STK31: variants seen among roughly 807,000 people sequenced by gnomAD.
STK31 encodes serine/threonine-protein kinase 31.
A neutral mutation model predicts 129.7 loss-of-function variants in STK31; 89 were observed. The observed-to-expected ratio is 0.69, with a 90% CI of 0.58 to 0.82. The LOEUF is 0.82. STK31 is among the 40% of genes least tolerant of loss of function. The probability of loss-of-function intolerance (pLI) is 0.00; values close to 1 mark genes in which losing one functional copy is unlikely to be tolerated. For synonymous variants in STK31, 448 were observed against 395.3 expected, an observed-to-expected ratio of 1.13 and a Z score of -1.58; for missense variants, 1,187 against 1,176.4, an observed-to-expected ratio of 1.01 and a Z score of -0.13.
intron 23 of STK31, among the ~76,000 whole-genome samples, chr7:23,820,918 G>A (rs1265811587): frequency 6.6e-6 from 1 of 152,106 alleles, no homozygotes; most frequent in South Asian, 2.1e-4. Flanking sequence ...GTTCCACATT[G>A]TCTTTTTCCA....
chr7:23,806,923 G>C (rs1239844728), intron 22 of STK31, among the ~76,000 whole-genome samples: 1 of 117,790 alleles, frequency 8.5e-6, no homozygotes. Context: ...AAAAAAAAAA[G>C]AGAGATACAG....
Position 23,735,728 on chromosome 7 carries a change from A to T in STK31, c.674A>T (p.Lys225Ile), listed in dbSNP as rs1203974996. The stretch of plus-strand genomic sequence containing the variant: ...AGAACTGACATCTGTGAGGAAAAAA[A>T]ATTGGATCCTGGTCAACTTGTTCTC... ...ASRTDICEEK[K>I]LDPGQLVLRN... The change falls in exon 7 of 24, where the codon AAA becomes ATA. Residue 225 changes from lysine (K) to isoleucine (I), a missense_variant. Lys to Ile is a moderately radical substitution (Grantham distance 102, BLOSUM62 -3). Around this residue, in one of 5 missense-constraint regions of STK31, gnomAD observed 975 missense variants for 934.9 expected, o/e 1.04. Coordinates refer to ENST00000355870, the MANE Select transcript of STK31 (RefSeq NM_031414.5). 2 of 1,614,114 alleles carry T rather than the reference A, an allele frequency of 1.2e-6. No homozygotes were observed. Among genetic ancestry groups the T allele is most frequent in the South Asian group, 2.2e-5 (2 of 91,086 alleles).
At chr7:23,762,516 T>C (rs1196503039) in intron 10 of STK31, among the ~76,000 whole-genome samples, 1 of 152,148 alleles carries the variant, frequency 6.6e-6, no homozygotes, top group Non-Finnish European at 1.5e-5. Flanking sequence ...ATGTAATTAG[T>C]AGGAACTTAT....
At chr7:23,772,429 T>C (rs1002558391) in intron 15 of STK31, 151 bp downstream of exon 15, 9 of 771,736 alleles carry the variant, frequency 1.2e-5, no homozygotes, top group Non-Finnish European at 1.7e-5. Context: ...GTTTTCTGTG[T>C]ATATAAATAA....
intron 6 of STK31, among the ~76,000 whole-genome samples, chr7:23,733,850 A>AT (rs986210496): frequency 2.0e-5 from 3 of 151,870 alleles, no homozygotes; most frequent in South Asian, 2.1e-4. Flanking sequence ...CAATGAAATA[A>AT]TTTTTTTTGT....
intron 21 of STK31, 73 bp from the exon 22 acceptor site, chr7:23,790,751 A>T: frequency 7.6e-7 from 1 of 1,312,238 alleles, no homozygotes; most frequent in Non-Finnish European, 1.0e-6. Flanking sequence ...TGTATTGATT[A>T]AATGCAGAGT....
intron 23 of STK31, among the ~76,000 whole-genome samples, chr7:23,828,034 G>A (rs547776204): frequency 5.8e-4 from 88 of 152,252 alleles, no homozygotes; most frequent in African/African-American, 2.0e-3. Flanking sequence ...TAGGCTACTC[G>A]GGAGTCAGGG....
chr7:23,829,563 A>T (rs1040172249), intron 23 of STK31, among the ~76,000 whole-genome samples: 3 of 152,194 alleles, frequency 2.0e-5, no homozygotes, highest in Non-Finnish European at 4.4e-5. Context: ...ATCTGTGTTC[A>T]TCAGGGATAC....
chr7:23,765,303 C>T (rs2128100759), intron 11 of STK31, among the ~76,000 whole-genome samples: 1 of 152,234 alleles, frequency 6.6e-6, no homozygotes, highest in Admixed American at 6.5e-5. Flanking sequence ...GTCTACCCAC[C>T]TTGGCCTCCA....
intron 15 of STK31, among the ~76,000 whole-genome samples, chr7:23,778,678 C>G (rs759203197): frequency 1.3e-5 from 2 of 151,796 alleles, no homozygotes; most frequent in Non-Finnish European, 2.9e-5. Flanking sequence ...TTTTTCAGCT[C>G]CATGAAGTCA....
At chr7:23,802,907 A>G (rs1792467977) in intron 22 of STK31, among the ~76,000 whole-genome samples, 1 of 152,220 alleles carries the variant, frequency 6.6e-6, no homozygotes, top group South Asian at 2.1e-4. Flanking sequence ...GTAGATCAAT[A>G]TGGGGAGAAT....
chr7:23,798,683 C>T (rs1792163333), intron 22 of STK31, among the ~76,000 whole-genome samples: 2 of 152,166 alleles, frequency 1.3e-5, no homozygotes, highest in African/African-American at 4.8e-5. Context: ...CCCTTGAAAA[C>T]TGGCACAAGA....
intron 8 of STK31, among the ~76,000 whole-genome samples, chr7:23,751,727 T>A (rs902577993): frequency 1.6e-4 from 25 of 152,242 alleles, no homozygotes; most frequent in African/African-American, 3.1e-4. Context: ...GTGATTTTTT[T>A]AAAAAAAGTT....
intron 6 of STK31, among the ~76,000 whole-genome samples, chr7:23,729,517 T>TG (rs558180580): frequency 6.9e-6 from 1 of 144,254 alleles, no homozygotes; most frequent in South Asian, 2.1e-4. Flanking sequence ...TTTTGTTTTT[T>TG]TTTTTTTTTT....
At chr7:23,801,899 A>G (rs183129721) in intron 22 of STK31, among the ~76,000 whole-genome samples, 1 of 152,166 alleles carries the variant, frequency 6.6e-6, no homozygotes, top group African/African-American at 2.4e-5. Flanking sequence ...CTGTGTGTCT[A>G]TCCGTTTACC....
chr7:23,757,838 C>G (rs1164361954), intron 10 of STK31, among the ~76,000 whole-genome samples: 1 of 152,184 alleles, frequency 6.6e-6, no homozygotes, highest in Non-Finnish European at 1.5e-5. Flanking sequence ...GGGGAGAAAC[C>G]TTGGACAAGA....
chr7:23,738,261 G>T (rs1332318855), intron 8 of STK31, among the ~76,000 whole-genome samples: 2 of 152,188 alleles, frequency 1.3e-5, no homozygotes, highest in Non-Finnish European at 2.9e-5. Flanking sequence ...TATAAGGCAA[G>T]GTACTGGGGC....
At chr7:23,809,953 T>C (rs929816447) in intron 22 of STK31, among the ~76,000 whole-genome samples, 1 of 152,224 alleles carries the variant, frequency 6.6e-6, no homozygotes. Flanking sequence ...AATATATTCC[T>C]GTTATGTATT....
At chr7:23,730,878 A>ATATATATATATATATATATATATTTTTTT in intron 6 of STK31, among the ~76,000 whole-genome samples, 21 of 59,510 alleles carry the variant, frequency 3.5e-4, no homozygotes, top group South Asian at 8.2e-4. Flanking sequence ...ATATATATAT[A>ATATATATATATATATATATATATTTTTTT]TTTTTTTTTT....
Sources: gnomAD v4.1 joint callset for allele counts (sites outside exome capture counted in the v4.1 genomes callset) on GRCh38, gnomAD v4.1.1 for gene constraint, gnomAD v4.1.1 regional missense constraint, MANE v1.5 for transcripts, NCBI Gene and HGNC (gene_info 2026-07-23, HGNC 2026-07-21) for gene names.